ESR1: variants seen among roughly 807,000 people sequenced by gnomAD.
The protein encoded by ESR1 is estrogen receptor.
Under a neutral mutation model 52.7 loss-of-function variants are expected in ESR1, and 12 were observed. The ratio of observed to expected loss-of-function variants is 0.23; its 90% CI spans 0.15 to 0.37. The LOEUF (loss-of-function observed/expected upper bound fraction) is 0.37. Ranked by LOEUF, ESR1 falls within the 10% of genes least tolerant of loss-of-function variation. The probability of loss-of-function intolerance (pLI) is 1.00; values close to 1 mark genes in which losing one functional copy is unlikely to be tolerated. For synonymous variants in ESR1, 305 were observed against 316.8 expected, an observed-to-expected ratio of 0.96 and a Z score of 0.39; for missense variants, 584 against 779.7, an observed-to-expected ratio of 0.75 and a Z score of 2.99.
intron 2 of ESR1, among the ~76,000 whole-genome samples, chr6:151,708,782 G>C (rs113753523): frequency 7.9e-5 from 12 of 152,124 alleles, no homozygotes; most frequent in Non-Finnish European, 1.6e-4. Flanking sequence ...ATTTGTAAAA[G>C]TTCTTTGACT....
intron 3 of ESR1, among the ~76,000 whole-genome samples, chr6:151,941,546 T>A (rs973215534): frequency 5.6e-5 from 8 of 143,102 alleles, no homozygotes; most frequent in African/African-American, 2.2e-4. Flanking sequence ...GCTCTTACAT[T>A]TTTTTTTTTT....
chr6:152,044,175 A>G (rs1475211873), intron 5 of ESR1, among the ~76,000 whole-genome samples: 1 of 152,218 alleles, frequency 6.6e-6, no homozygotes, highest in Non-Finnish European at 1.5e-5. Context: ...TCTCATGAGC[A>G]GTGAATCAGG....
intron 1 of ESR1, among the ~76,000 whole-genome samples, chr6:151,678,630 G>A (rs558329735): frequency 7.2e-5 from 11 of 152,034 alleles, no homozygotes; most frequent in South Asian, 2.1e-4. Context: ...AAGTGTTTCC[G>A]GGGAAGGAGT....
At chr6:151,852,494 T>A in intron 2 of ESR1, among the ~76,000 whole-genome samples, 1 of 152,158 alleles carries the variant, frequency 6.6e-6, no homozygotes, top group East Asian at 1.9e-4. Context: ...AATGATAAAT[T>A]AGTCCTACAG....
At chr6:151,710,051 G>A (rs1417944676) in intron 2 of ESR1, among the ~76,000 whole-genome samples, 3 of 151,766 alleles carry the variant, frequency 2.0e-5, no homozygotes, top group African/African-American at 7.2e-5. Flanking sequence ...AGAACGAATT[G>A]TTTAAACATC....
At chr6:151,850,029 T>A (rs3931723) in intron 2 of ESR1, among the ~76,000 whole-genome samples, 4 of 109,508 alleles carry the variant, frequency 3.7e-5, no homozygotes, top group Non-Finnish European at 6.6e-5. Context: ...TATACAAAAT[T>A]ATATATATAT....
upstream of ESR1, among the ~76,000 whole-genome samples, chr6:151,801,057 T>A (rs1405544783): frequency 6.6e-6 from 1 of 151,274 alleles, no homozygotes; most frequent in Non-Finnish European, 1.5e-5. Flanking sequence ...ATGTGGTGTG[T>A]GTGTGTGTGT....
At chr6:151,956,797 T>C (rs1045241441) in intron 4 of ESR1, among the ~76,000 whole-genome samples, 24 of 140,946 alleles carry the variant, frequency 1.7e-4, no homozygotes, top group Non-Finnish European at 3.5e-4. Context: ...TACATACATA[T>C]ATATGTAAAT....
At chr6:152,012,125 A>T (rs1221240236) in intron 5 of ESR1, among the ~76,000 whole-genome samples, 1 of 151,758 alleles carries the variant, frequency 6.6e-6, no homozygotes, top group African/African-American at 2.4e-5. Context: ...ATCATATAAA[A>T]ATTATAATAA....
intron 3 of ESR1, among the ~76,000 whole-genome samples, chr6:151,933,500 G>A (rs971914623): frequency 6.0e-5 from 9 of 150,684 alleles, no homozygotes; most frequent in African/African-American, 2.2e-4. Context: ...TGTTGAATAG[G>A]AGCGGTGAGA....
intron 2 of ESR1, among the ~76,000 whole-genome samples, chr6:151,775,722 G>T (rs1210069608): frequency 2.6e-5 from 4 of 151,308 alleles, no homozygotes; most frequent in African/African-American, 7.3e-5. Flanking sequence ...CTCCAGCCTG[G>T]GTGACAAATC....
At chr6:151,672,771 C>G (rs1015117565) in intron 1 of ESR1, among the ~76,000 whole-genome samples, 15 of 152,092 alleles carry the variant, frequency 9.9e-5, no homozygotes, top group African/African-American at 3.4e-4. Flanking sequence ...CCATGCCCGC[C>G]CTAAACCTTT....
In ESR1 at chr6:152,122,686, G is replaced by A. The variant is rs749838365; in HGVS notation, c.851-2580G>A. The A allele has an allele frequency of 1.7e-5, 28 of 1,613,640 alleles. No individual in the cohort carries two copies. Among genetic ancestry groups the A allele is most frequent in the Non-Finnish European group, 2.5e-6 (3 of 1,179,892 alleles). On this transcript the variant is annotated intron_variant, in intron 6 of 6. Transcript: ENST00000427531. ...GCCACCTTTTGTGGACCTGAGAGAA[G>A]AATGGACATAAATTACTCAGATAAC...
chr6:151,749,505 A>G (rs1783742013), intron 2 of ESR1, among the ~76,000 whole-genome samples: 1 of 152,200 alleles, frequency 6.6e-6, no homozygotes, highest in African/African-American at 2.4e-5. Context: ...GTGCAATGGA[A>G]CACCAGAACT....
intron 1 of ESR1, among the ~76,000 whole-genome samples, chr6:151,840,883 T>C (rs1050027576): frequency 2.0e-5 from 3 of 152,214 alleles, no homozygotes; most frequent in Non-Finnish European, 4.4e-5. Context: ...TTAAATATAT[T>C]ATGGAGTGCC....
At chr6:151,950,552 A>T (rs2036218074) in intron 4 of ESR1, among the ~76,000 whole-genome samples, 1 of 152,220 alleles carries the variant, frequency 6.6e-6, no homozygotes. Flanking sequence ...ACAAGCCCTA[A>T]TCCAATAAGG....
At chr6:151,891,018 T>C (rs939632242) in intron 3 of ESR1, among the ~76,000 whole-genome samples, 1 of 152,230 alleles carries the variant, frequency 6.6e-6, no homozygotes, top group African/African-American at 2.4e-5. Flanking sequence ...ATCCTTTGAA[T>C]TCTTACTTTT....
chr6:152,002,223 G>GTGTGTGT (rs1554303868), intron 4 of ESR1, among the ~76,000 whole-genome samples: 2 of 111,170 alleles, frequency 1.8e-5, no homozygotes, highest in Non-Finnish European at 1.8e-5. Context: ...TGTGTGTGTG[G>GTGTGTGT]AATATCTCAC....
rs954969469 is a variant in ESR1 at position 151,778,074 on chromosome 6, G to A, written c.-70-29769G>A. Among the ~76,000 whole-genome samples the A allele has an allele frequency of 3.9e-5, 6 of 152,140 alleles. No individual in the cohort carries two copies. In the East Asian group the frequency reaches 5.8e-4, roughly 15 times the overall value. On this transcript the variant is annotated intron_variant, in intron 2 of 2. Transcript: ENST00000404742. Reference sequence around the variant, plus strand: ...CTACCCAAGACGCAATTGGTTCCTCGTCTGATTTTTAAAAGAAGTTTCCAC... The same window carrying A: ...CTACCCAAGACGCAATTGGTTCCTCATCTGATTTTTAAAAGAAGTTTCCAC...
Sources: allele counts gnomAD v4.1 joint callset (sites outside exome capture counted in the v4.1 genomes callset), GRCh38; gene constraint gnomAD v4.1.1; transcripts MANE v1.5; gene names NCBI Gene and HGNC (gene_info 2026-07-23, HGNC 2026-07-21).